UTP18: variants seen among roughly 807,000 people sequenced by gnomAD.
The protein encoded by UTP18 is U3 small nucleolar RNA-associated protein 18 homolog.
Under a neutral mutation model 61.1 loss-of-function variants are expected in UTP18, and 36 were observed. That is an observed-to-expected ratio of 0.59 (90% CI 0.45 to 0.78). The LOEUF (loss-of-function observed/expected upper bound fraction) is 0.78. Among genes scored for constraint, UTP18 ranks in the 30% least tolerant of loss-of-function variants. The pLI, the probability that UTP18 is intolerant of heterozygous loss-of-function variation, is 0.00. For synonymous variants in UTP18, 282 were observed against 251.1 expected (o/e 1.12, Z -1.16); for missense variants, 753 against 693.9 (o/e 1.09, Z -0.96).
chr17:51,291,523 C>T (rs1181352741), intron 11 of UTP18, among the ~76,000 whole-genome samples: 1 of 151,956 alleles, frequency 6.6e-6, no homozygotes, highest in Non-Finnish European at 1.5e-5. Flanking sequence ...TCACTTGAGG[C>T]CAGGAGTTTG....
chr17:51,266,480 T>C (rs2055562580), intron 3 of UTP18, among the ~76,000 whole-genome samples, 200 bp downstream of exon 3: 2 of 152,228 alleles, frequency 1.3e-5, no homozygotes, highest in South Asian at 4.1e-4. Context: ...AAAAAAATTC[T>C]TACCACTCAA....
chr17:51,262,418 T>G (rs79410166), intron 1 of UTP18, among the ~76,000 whole-genome samples: 22,253 of 152,172 alleles, frequency 0.15, 3,055 homozygotes, highest in African/African-American at 0.36. Flanking sequence ...CTTTATGGTA[T>G]AAATTTATAA....
At chr17:51,288,473 A>G (rs1377076994) in intron 11 of UTP18, 3 of 489,438 alleles carry the variant, frequency 6.1e-6, no homozygotes, top group African/African-American at 3.9e-5. Flanking sequence ...TTCTTTTAGT[A>G]TTAATGTTAA....
intron 9 of UTP18, among the ~76,000 whole-genome samples, chr17:51,282,507 T>TGGAA (rs58446664): frequency 6.7e-6 from 1 of 149,280 alleles, no homozygotes; most frequent in African/African-American, 2.5e-5. Flanking sequence ...GAAGGAAAGA[T>TGGAA]GGAAGGAAGG....
At chr17:51,294,209 A>T (rs532898378) in intron 12 of UTP18, among the ~76,000 whole-genome samples, 164 bp downstream of exon 12, 52 of 151,946 alleles carry the variant, frequency 3.4e-4, no homozygotes, top group African/African-American at 1.2e-3. Flanking sequence ...TTATTTTATT[A>T]TTATTATACT....
intron 4 of UTP18, among the ~76,000 whole-genome samples, chr17:51,272,414 T>A (rs1206400880): frequency 6.6e-6 from 1 of 152,186 alleles, no homozygotes; most frequent in Non-Finnish European, 1.5e-5. Context: ...ATAGTATTTT[T>A]AAGGTTTGTG....
intron 12 of UTP18, 70 bp downstream of exon 12, chr17:51,294,115 T>C: frequency 7.9e-7 from 1 of 1,272,606 alleles, no homozygotes; most frequent in Non-Finnish European, 1.0e-6. Context: ...AGAGATACTA[T>C]ATATTCCTAA....
At chr17:51,260,961 T>C in intron 1 of UTP18, 35 bp downstream of exon 1, 1 of 1,449,458 alleles carries the variant, frequency 6.9e-7, no homozygotes, top group Non-Finnish European at 9.0e-7. Context: ...CTGGGCGCAC[T>C]CGGGCGGGGC....
At chr17:51,269,308 A>C (rs1037241424) in intron 4 of UTP18, among the ~76,000 whole-genome samples, 7 of 149,600 alleles carry the variant, frequency 4.7e-5, no homozygotes, top group Admixed American at 1.3e-4. Flanking sequence ...AAAAAAAAAA[A>C]AAAAAAAAAA....
rs919449089 is a variant in UTP18, at chr17:51,297,769, G to C, written c.*15-13G>C. Reference sequence around the variant, plus strand: ...ATAAATCAGGTATGTAATTTCTTTTGTTCTTTCCTCAGGTCCAGTTGAGTC... The same window carrying C: ...ATAAATCAGGTATGTAATTTCTTTTCTTCTTTCCTCAGGTCCAGTTGAGTC... On this transcript the variant is annotated splice_polypyrimidine_tract_variant and intron_variant, in intron 13 of 13. Transcript: ENST00000225298. The C allele has an allele frequency of 9.3e-6, 4 of 431,864 alleles. No individual in the cohort carries two copies. Among genetic ancestry groups the C allele is most frequent in the Non-Finnish European group, 1.8e-5 (4 of 218,802 alleles). The allele number at this position is 431,864 out of a possible 1,614,324, so 26.8% of individuals were successfully genotyped here.
At chr17:51,282,524 G>A (rs199818161) in intron 9 of UTP18, among the ~76,000 whole-genome samples, 84 of 76,024 alleles carry the variant, frequency 1.1e-3, no homozygotes, top group African/African-American at 4.5e-3. Flanking sequence ...AAGGAAGGAA[G>A]GAAAGAAAGA....
chr17:51,282,471 AAG>A (rs1299353023), intron 9 of UTP18, among the ~76,000 whole-genome samples: 2 of 149,464 alleles, frequency 1.3e-5, no homozygotes, highest in East Asian at 2.0e-4. Flanking sequence ...AATGAAGAGA[AAG>A]AGGAAGGAAG....
intron 2 of UTP18, among the ~76,000 whole-genome samples, chr17:51,264,708 ACT>A (rs2055542682): frequency 7.5e-6 from 1 of 133,372 alleles, no homozygotes; most frequent in East Asian, 2.2e-4. Context: ...TTTTTTTGAG[ACT>A]CTCATCCTTT....
chr17:51,294,142 TTC>T, intron 12 of UTP18, 97 bp downstream of exon 12: 1 of 1,041,774 alleles, frequency 9.6e-7, no homozygotes, highest in Non-Finnish European at 1.3e-6. Flanking sequence ...AGTTAATAAA[TTC>T]TAGTCTGTTT....
chr17:51,276,278 A>G (rs936828569), intron 6 of UTP18, among the ~76,000 whole-genome samples: 12 of 152,144 alleles, frequency 7.9e-5, no homozygotes, highest in African/African-American at 2.4e-4. Context: ...GTCGCTCACC[A>G]TCCCTTGCCC....
chr17:51,260,823 TGGA>T lies in UTP18; in HGVS notation c.246_248del (p.Glu82del), dbSNP rs764999554. On this transcript the variant is annotated inframe_deletion, in exon 1 of 14. Transcript: ENST00000225298. ...CTCCGGCAGCGGAACCGCCTGAGGC[TGGA>T]GGAGGACAAACCGGCCGTGGAGCGG... is the stretch of plus-strand genomic sequence containing the variant. 13 of 1,595,366 alleles carry T rather than the reference TGGA, an allele frequency of 8.1e-6. No homozygotes were observed. The highest frequency in any genetic ancestry group is 1.1e-5 in the South Asian group (1 of 88,590).
chr17:51,261,248 G>A (rs760537975), intron 1 of UTP18, among the ~76,000 whole-genome samples: 10 of 152,202 alleles, frequency 6.6e-5, no homozygotes, highest in Non-Finnish European at 1.3e-4. Flanking sequence ...ACTGAGGGTG[G>A]TCTTTTGATC....
chr17:51,270,754 A>G (rs985888527), intron 4 of UTP18, among the ~76,000 whole-genome samples: 19 of 152,100 alleles, frequency 1.2e-4, no homozygotes, highest in Admixed American at 7.2e-4. Flanking sequence ...GTTGGCTGGA[A>G]CTCAGTCATA....
rs762305548 is a variant in UTP18, at chr17:51,296,977, C to T, written c.1659C>T (p.Tyr553=). ...GKALMYRLHH[Y]SDF ...TTTACTTTTCCAGGTTGCACCATTACTCAGACTTCTAAAGAGACTATTTGA... is the reference window on the plus strand; with the variant it reads ...TTTACTTTTCCAGGTTGCACCATTATTCAGACTTCTAAAGAGACTATTTGA... The change falls in exon 13 of 14, where the codon TAC becomes TAT. Residue 553 remains tyrosine, a synonymous_variant. Coordinates refer to ENST00000225298, the MANE Select transcript of UTP18 (RefSeq NM_016001.3). The T allele has an allele frequency of 1.9e-6, 3 of 1,606,818 alleles. No individual in the cohort carries two copies. The highest frequency in any genetic ancestry group is 3.4e-5 in the Admixed American group (2 of 58,822).
Sources: gnomAD v4.1 joint callset for allele counts (sites outside exome capture counted in the v4.1 genomes callset) on GRCh38, gnomAD v4.1.1 for gene constraint, MANE v1.5 for transcripts, NCBI Gene and HGNC (gene_info 2026-07-23, HGNC 2026-07-21) for gene names.